TMEFF2: variants seen among roughly 807,000 people sequenced by gnomAD.
The protein encoded by TMEFF2 is tomoregulin-2.
In TMEFF2, 28 loss-of-function variants were observed where a neutral mutation model predicts 53.8. The observed-to-expected ratio is 0.52, with a 90% CI of 0.39 to 0.71. TMEFF2 has a LOEUF of 0.71. Ranked by LOEUF, TMEFF2 falls within the 30% of genes least tolerant of loss-of-function variation. TMEFF2 has a pLI of 0.00. For synonymous variants in TMEFF2, 162 were observed against 166.3 expected (o/e 0.97, Z 0.20); for missense variants, 353 against 455.2 (o/e 0.78, Z 2.04).
At chr2:192,174,755 A>G (rs751431874) in intron 4 of TMEFF2, among the ~76,000 whole-genome samples, 12 of 151,704 alleles carry the variant, frequency 7.9e-5, no homozygotes, top group African/African-American at 2.7e-4. Flanking sequence ...GAAGTTGCTT[A>G]CAATTGACAC....
chr2:191,954,633 A>T (rs1692008276), intron 8 of TMEFF2, among the ~76,000 whole-genome samples: 1 of 152,224 alleles, frequency 6.6e-6, no homozygotes, highest in Non-Finnish European at 1.5e-5. Context: ...TATTAGGATC[A>T]GAGTTACAGG....
chr2:192,084,960 C>G (rs943978860), intron 4 of TMEFF2, among the ~76,000 whole-genome samples: 1 of 152,082 alleles, frequency 6.6e-6, no homozygotes, highest in Non-Finnish European at 1.5e-5. Context: ...CTTGGCTTTT[C>G]TTTAAATATT....
chr2:192,035,674 T>C (rs1188092735), intron 5 of TMEFF2, among the ~76,000 whole-genome samples: 1 of 152,216 alleles, frequency 6.6e-6, no homozygotes, highest in Non-Finnish European at 1.5e-5. Context: ...TTCTCATTCC[T>C]CAGTCCCAAA....
In TMEFF2 at chr2:192,194,519, C is replaced by G. The variant is rs748640799; in HGVS notation, c.6G>C (p.Val2=). The G allele has an allele frequency of 1.2e-6, 2 of 1,613,028 alleles. No individual in the cohort carries two copies. The highest frequency in any genetic ancestry group is 2.7e-5 in the African/African-American group (2 of 74,912). ...TGCACTGCCGCGGGGACTCCCACAG[C>G]ACCATGACTAGTTCGTGCAACTCTG... M[V]LWESPRQCSS... The change falls in exon 1 of 10, where the codon GTG becomes GTC. Residue 2 remains valine, a synonymous_variant. Coordinates refer to ENST00000272771, the MANE Select transcript of TMEFF2 (RefSeq NM_016192.4). This position sits in a 1 kb window ranked among gnomAD's most constrained non-coding sequence, Gnocchi z 4.2.
chr2:192,092,020 CTG>C (rs1491577083), intron 4 of TMEFF2, among the ~76,000 whole-genome samples: 1 of 146,176 alleles, frequency 6.8e-6, no homozygotes, highest in African/African-American at 2.8e-5. Context: ...ACTTAAACAA[CTG>C]ATGTCTAGGT....
At chr2:192,124,631 C>T (rs1328046342) in intron 4 of TMEFF2, among the ~76,000 whole-genome samples, 4 of 152,140 alleles carry the variant, frequency 2.6e-5, no homozygotes, top group African/African-American at 9.7e-5. Context: ...TTTATGTGGT[C>T]AACCTCAGAG....
At position 192,130,491 on chromosome 2, in the gene TMEFF2, C is replaced by T. The variant is rs192655861; in HGVS notation, c.439+49177G>A. ...AAGAATCACAAAAGAAGTGAAAAGG[C>T]CCTGCCCCGCCTTGACTGATGACAC... On this transcript the variant is annotated intron_variant, in intron 4 of 9. Coordinates refer to ENST00000272771, the MANE Select transcript of TMEFF2 (RefSeq NM_016192.4). Among the ~76,000 whole-genome samples the T allele has an allele frequency of 5.8e-3, 880 of 152,208 alleles. 4 individuals are homozygous for T. Among genetic ancestry groups the T allele is most frequent in the African/African-American group, 0.02 (823 of 41,524 alleles).
At position 191,956,371 on chromosome 2, in the gene TMEFF2, A is replaced by G; in HGVS notation, c.753T>C (p.Ala251=). 1 of 1,613,434 alleles carries G rather than the reference A, an allele frequency of 6.2e-7. No individual in the cohort carries two copies. Among genetic ancestry groups the G allele is most frequent in the Non-Finnish European group, 8.5e-7 (1 of 1,179,752 alleles). ...CTCTGGCACTTTCTTCTAATTTGTTAGCATTCTCTGTGAATACAGATAAAA... is the reference window on the plus strand; with the variant it reads ...CTCTGGCACTTTCTTCTAATTTGTTGGCATTCTCTGTGAATACAGATAAAA... The part of the protein sequence containing the change: ...HYARTDYAEN[A]NKLEESAREH... Residue 251 remains alanine, a synonymous_variant, in exon 8 of 10, where the codon GCT becomes GCC. Coordinates refer to ENST00000272771, the MANE Select transcript of TMEFF2 (RefSeq NM_016192.4).
chr2:192,183,554 G>A (rs1357125930), intron 3 of TMEFF2, among the ~76,000 whole-genome samples: 1 of 152,032 alleles, frequency 6.6e-6, no homozygotes, highest in Non-Finnish European at 1.5e-5. Flanking sequence ...CCAGAAAGAT[G>A]CTTATTTGCC....
chr2:191,987,563 C>T (rs1279000435), intron 7 of TMEFF2, among the ~76,000 whole-genome samples: 1 of 152,092 alleles, frequency 6.6e-6, no homozygotes, highest in Non-Finnish European at 1.5e-5. Context: ...CATGCCACCA[C>T]ACCCAGCTAA....
At chr2:192,189,051 C>A (rs1433652206) in intron 2 of TMEFF2, among the ~76,000 whole-genome samples, 1 of 151,932 alleles carries the variant, frequency 6.6e-6, no homozygotes, top group African/African-American at 2.4e-5. Flanking sequence ...GGGGAGAAAA[C>A]AATTATCTCA....
At chr2:191,985,854 C>G (rs891021497) in intron 7 of TMEFF2, among the ~76,000 whole-genome samples, 2 of 152,136 alleles carry the variant, frequency 1.3e-5, no homozygotes, top group African/African-American at 4.8e-5. Flanking sequence ...AGACAGCACA[C>G]CAATACAATC....
At chr2:192,021,220 T>G (rs1212085840) in intron 5 of TMEFF2, among the ~76,000 whole-genome samples, 1 of 152,166 alleles carries the variant, frequency 6.6e-6, no homozygotes, top group African/African-American at 2.4e-5. Flanking sequence ...CCAGTCACTT[T>G]CCTAGGAGAA....
intron 7 of TMEFF2, among the ~76,000 whole-genome samples, chr2:191,987,926 T>C (rs1686017190): frequency 6.6e-6 from 1 of 152,188 alleles, no homozygotes; most frequent in South Asian, 2.1e-4. Flanking sequence ...ATTATTTTCC[T>C]GATGATTATA....
At chr2:192,124,239 AG>A (rs2105969501) in intron 4 of TMEFF2, among the ~76,000 whole-genome samples, 1 of 152,386 alleles carries the variant, frequency 6.6e-6, no homozygotes, top group South Asian at 2.1e-4. Flanking sequence ...ATGAATGTCT[AG>A]TCTGAAAATT....
chr2:191,972,804 G>T (rs1692686611), intron 7 of TMEFF2, among the ~76,000 whole-genome samples: 1 of 152,078 alleles, frequency 6.6e-6, no homozygotes, highest in Admixed American at 6.6e-5. Flanking sequence ...AAACATTTAA[G>T]CTCCAATGTA....
intron 7 of TMEFF2, among the ~76,000 whole-genome samples, chr2:191,983,186 T>G (rs1319122353): frequency 6.6e-6 from 1 of 152,174 alleles, no homozygotes; most frequent in Non-Finnish European, 1.5e-5. Context: ...TTGGATGAAC[T>G]GACAGGCAGG....
At chr2:192,126,978 T>A (rs1689693071) in intron 4 of TMEFF2, among the ~76,000 whole-genome samples, 2 of 152,244 alleles carry the variant, frequency 1.3e-5, no homozygotes, top group African/African-American at 2.4e-5. Context: ...TGTTTTGCTA[T>A]GTAACTTAGA....
At chr2:191,975,443 A>G (rs1030739740) in intron 7 of TMEFF2, among the ~76,000 whole-genome samples, 1 of 151,194 alleles carries the variant, frequency 6.6e-6, no homozygotes, top group African/African-American at 2.4e-5. Context: ...AATATCTACA[A>G]ATCACCTTCA....
Sources: gnomAD v4.1 joint callset for allele counts (sites outside exome capture counted in the v4.1 genomes callset) on GRCh38, gnomAD v4.1.1 for gene constraint, Gnocchi (gnomAD v3.1) non-coding constraint, MANE v1.5 for transcripts, NCBI Gene and HGNC (gene_info 2026-07-23, HGNC 2026-07-21) for gene names.